Variants in BCAS3 observed in about 807,000 individuals in gnomAD.
BCAS3 encodes BCAS3 microtubule associated cell migration factor.
A neutral mutation model predicts 116.1 loss-of-function variants in BCAS3; 53 were observed. The observed-to-expected ratio is 0.46, with a 90% CI of 0.37 to 0.57. The LOEUF (loss-of-function observed/expected upper bound fraction) is 0.57. Ranked by LOEUF, BCAS3 falls within the 20% of genes least tolerant of loss-of-function variation. The probability of loss-of-function intolerance (pLI) is 0.00; values close to 1 mark genes in which losing one functional copy is unlikely to be tolerated. For missense variants in BCAS3, 917 were observed against 1,165.4 expected, an observed-to-expected ratio of 0.79 and a Z score of 3.10; for synonymous variants, 391 against 408.2, an observed-to-expected ratio of 0.96 and a Z score of 0.51.
In BCAS3 at chr17:61,068,042, G is replaced by A. The variant is rs1263463054; in HGVS notation, c.2030-6878G>A. On this transcript the variant is annotated intron_variant, in intron 19 of 23. Transcript: ENST00000407086. This position sits in a 1 kb window ranked among gnomAD's most constrained non-coding sequence, Gnocchi z 4.3. Reference sequence around the variant, plus strand: ...TTTTCCTTTTCAGTTTGGCAGATAAGGTGTGTTTGAAAATTACTGTACTAA... The same window carrying A: ...TTTTCCTTTTCAGTTTGGCAGATAAAGTGTGTTTGAAAATTACTGTACTAA... Among the ~76,000 whole-genome samples, 1 of 152,002 alleles carries A rather than the reference G, an allele frequency of 6.6e-6. No homozygotes were observed. Among genetic ancestry groups the A allele is most frequent in the East Asian group, 1.9e-4 (1 of 5,170 alleles).
intron 22 of BCAS3, among the ~76,000 whole-genome samples, chr17:61,322,784 GAGAGAGAGAC>G (rs1231546362): frequency 3.6e-5 from 5 of 137,250 alleles, no homozygotes; most frequent in Admixed American, 7.8e-5. Flanking sequence ...CCTCTCTTGA[GAGAGAGAGAC>G]AGAGAGAGAG....
chr17:60,829,352 G>A (rs1308059560), intron 7 of BCAS3, among the ~76,000 whole-genome samples: 1 of 151,934 alleles, frequency 6.6e-6, no homozygotes, highest in African/African-American at 2.4e-5. Context: ...AAATTAGCTG[G>A]GCATGGTGGT....
At chr17:60,719,254 C>T (rs781325660) in intron 5 of BCAS3, among the ~76,000 whole-genome samples, 20 of 152,134 alleles carry the variant, frequency 1.3e-4, no homozygotes, top group Admixed American at 1.2e-3. Context: ...GATAGCGAAT[C>T]GTTTGTTATT....
At chr17:60,695,773 A>AT (rs1208417219) in intron 4 of BCAS3, among the ~76,000 whole-genome samples, 1 of 151,900 alleles carries the variant, frequency 6.6e-6, no homozygotes, top group African/African-American at 2.4e-5. Context: ...TTATTTTTAA[A>AT]TTTTTTGTAG....
intron 8 of BCAS3, among the ~76,000 whole-genome samples, chr17:60,873,274 A>G (rs2055297016): frequency 6.6e-6 from 1 of 152,140 alleles, no homozygotes. Context: ...AAAAAATTGC[A>G]AGGATCTAAC....
chr17:60,941,682 GT>G (rs959072627), intron 13 of BCAS3, among the ~76,000 whole-genome samples: 4 of 152,164 alleles, frequency 2.6e-5, no homozygotes, highest in African/African-American at 9.7e-5. Context: ...TAATTTTTTA[GT>G]GGACATTTTC....
intron 10 of BCAS3, among the ~76,000 whole-genome samples, chr17:60,899,722 T>G (rs537122763): frequency 6.6e-6 from 1 of 152,188 alleles, no homozygotes; most frequent in South Asian, 2.1e-4. Flanking sequence ...GGTCTCTAAC[T>G]CCTGACCTTG....
At chr17:60,770,518 A>T (rs2044569468) in intron 6 of BCAS3, among the ~76,000 whole-genome samples, 2 of 142,544 alleles carry the variant, frequency 1.4e-5, no homozygotes, top group Admixed American at 7.6e-5. Flanking sequence ...TCCCTGGTTG[A>T]AACGATTTTC....
At chr17:61,284,423 G>T (rs940501475) in intron 22 of BCAS3, among the ~76,000 whole-genome samples, 1 of 152,194 alleles carries the variant, frequency 6.6e-6, no homozygotes, top group African/African-American at 2.4e-5. Context: ...CCGACCGGAA[G>T]GAAGAAACAC....
rs774796758 is a variant in BCAS3, at chr17:61,228,963, T to C, written c.2426-139364T>C. ...TTGCAGCAGTTAGCCGAGTTGTTAA[T>C]GTAAAGGAAAAGTTCTTGAAGGGAA... On this transcript the variant is annotated intron_variant, in intron 22 of 23. Transcript: ENST00000407086. This position sits in a 1 kb window ranked among gnomAD's most constrained non-coding sequence, Gnocchi z 5.0. Among the ~76,000 whole-genome samples the C allele has an allele frequency of 5.3e-5, 8 of 150,914 alleles. No individual in the cohort carries two copies. Among genetic ancestry groups the C allele is most frequent in the African/African-American group, 7.4e-5 (3 of 40,550 alleles).
chr17:60,678,617 T>TG (rs1224283432), intron 1 of BCAS3, among the ~76,000 whole-genome samples: 4 of 152,218 alleles, frequency 2.6e-5, no homozygotes, highest in Non-Finnish European at 5.9e-5. Flanking sequence ...ATTTGACTAC[T>TG]TGCTACTAGT....
In BCAS3 at chr17:61,220,282, A is replaced by G. The variant is rs1457841896; in HGVS notation, c.2425+135718A>G. Among the ~76,000 whole-genome samples the G allele has an allele frequency of 7.6e-6, 1 of 131,030 alleles. No individual in the cohort carries two copies. The highest frequency in any genetic ancestry group is 2.3e-4 in the East Asian group (1 of 4,380). 86.0% of individuals were successfully genotyped at this position (131,030 alleles called of 152,430 possible). Reference sequence around the variant, plus strand: ...GCACTTCAGCCTGGGCAACAGAGTGAGACTCCATCTCAAAAAACAAACAAA... The same window carrying G: ...GCACTTCAGCCTGGGCAACAGAGTGGGACTCCATCTCAAAAAACAAACAAA... On this transcript the variant is annotated intron_variant, in intron 22 of 23. Coordinates refer to ENST00000407086, the MANE Select transcript of BCAS3 (RefSeq NM_017679.5). This position sits in a 1 kb window ranked among gnomAD's most constrained non-coding sequence, Gnocchi z 4.5.
rs2055481050 is a variant in BCAS3, at chr17:61,323,480, T to C, written c.2426-44847T>C. Reference sequence around the variant, plus strand: ...TGAACGGACTTAGGATTTGGTTTTCTACTCTGTGAACTGAAGCTAATTTCT... The same window carrying C: ...TGAACGGACTTAGGATTTGGTTTTCCACTCTGTGAACTGAAGCTAATTTCT... On this transcript the variant is annotated intron_variant, in intron 22 of 23. Coordinates refer to ENST00000407086, the MANE Select transcript of BCAS3 (RefSeq NM_017679.5). The surrounding 1 kb of genome is among the most constrained non-coding windows in gnomAD (Gnocchi z 4.6). Among the ~76,000 whole-genome samples, 1 of 152,250 alleles carries C rather than the reference T, an allele frequency of 6.6e-6. No homozygotes were observed. Among genetic ancestry groups the C allele is most frequent in the Non-Finnish European group, 1.5e-5 (1 of 68,050 alleles).
At chr17:60,686,188 C>T (rs780895984) in intron 3 of BCAS3, among the ~76,000 whole-genome samples, 1 of 152,090 alleles carries the variant, frequency 6.6e-6, no homozygotes, top group Non-Finnish European at 1.5e-5. Flanking sequence ...ATTTTTTCTA[C>T]TGTTTGGTTG....
chr17:61,075,291 T>G, intron 20 of BCAS3, among the ~76,000 whole-genome samples: 1 of 152,190 alleles, frequency 6.6e-6, no homozygotes, highest in Admixed American at 6.5e-5. Flanking sequence ...ACAATCCATT[T>G]AAAGCCTTAG....
chr17:60,939,315 C>T (rs1398801553), intron 13 of BCAS3, among the ~76,000 whole-genome samples: 2 of 152,046 alleles, frequency 1.3e-5, no homozygotes, highest in Admixed American at 6.6e-5. Context: ...CCCCTGCAAT[C>T]CCAGCTACTC....
intron 22 of BCAS3, among the ~76,000 whole-genome samples, chr17:61,246,040 A>C (rs1452906212): frequency 6.6e-6 from 1 of 152,100 alleles, no homozygotes; most frequent in Non-Finnish European, 1.5e-5. Context: ...GAGACTTTAG[A>C]ATTCTGCCTT....
chr17:61,138,427 T>G (rs1026189615), intron 22 of BCAS3, among the ~76,000 whole-genome samples: 3 of 152,192 alleles, frequency 2.0e-5, no homozygotes, highest in Admixed American at 1.3e-4. Context: ...CAGTGCAGAT[T>G]CAGAGATTAC....
intron 6 of BCAS3, among the ~76,000 whole-genome samples, chr17:60,756,254 A>G (rs1374934655): frequency 2.6e-5 from 4 of 152,172 alleles, no homozygotes; most frequent in Admixed American, 2.0e-4. Flanking sequence ...GTGAGAATCT[A>G]ATGCCACCAC....
Sources: gnomAD v4.1 joint callset for allele counts (sites outside exome capture counted in the v4.1 genomes callset) on GRCh38, gnomAD v4.1.1 for gene constraint, Gnocchi (gnomAD v3.1) non-coding constraint, MANE v1.5 for transcripts, NCBI Gene and HGNC (gene_info 2026-07-23, HGNC 2026-07-21) for gene names.